CHIC2: variants seen among roughly 807,000 people sequenced by gnomAD.
CHIC2 encodes cysteine-rich hydrophobic domain-containing protein 2.
CHIC2 carries 14 observed loss-of-function variants against 25.9 expected under a neutral mutation model. That is an observed-to-expected ratio of 0.54 (90% CI 0.36 to 0.85). CHIC2 has a LOEUF of 0.85. CHIC2 is among the 40% of genes least tolerant of loss of function. The pLI is 0.01. For synonymous variants in CHIC2, 70 were observed against 72.0 expected, an observed-to-expected ratio of 0.97 and a Z score of 0.14; for missense variants, 146 against 202.0, an observed-to-expected ratio of 0.72 and a Z score of 1.68.
chr4:54,043,612 C>T (rs1334419847), intron 3 of CHIC2, among the ~76,000 whole-genome samples: 1 of 152,038 alleles, frequency 6.6e-6, no homozygotes, highest in Admixed American at 6.6e-5. Context: ...CTGAGAGATT[C>T]TGTCAGCACC....
At chr4:54,012,777 C>G (rs1175959579) in intron 5 of CHIC2, among the ~76,000 whole-genome samples, 6 of 152,020 alleles carry the variant, frequency 3.9e-5, no homozygotes. Context: ...AAGATAAAAT[C>G]TACATTATTT....
At chr4:54,087,445 G>A in the CHIC2 span, 2 of 640,108 alleles carry the variant, frequency 3.1e-6, no homozygotes, top group South Asian at 3.5e-5. Flanking sequence ...TCGATAATAA[G>A]GCATAGGCAG....
chr4:54,029,848 G>A (rs1716168790), intron 3 of CHIC2, among the ~76,000 whole-genome samples: 1 of 152,172 alleles, frequency 6.6e-6, no homozygotes, highest in African/African-American at 2.4e-5. Context: ...TTCTGCTTAT[G>A]ATTCCCCCAG....
chr4:54,021,187 CA>C (rs1187435048), intron 3 of CHIC2, among the ~76,000 whole-genome samples: 1 of 152,202 alleles, frequency 6.6e-6, no homozygotes, highest in African/African-American at 2.4e-5. Context: ...GACCCCAATA[CA>C]AACTCGATAA....
chr4:54,040,221 G>C (rs1003256271), intron 3 of CHIC2, among the ~76,000 whole-genome samples: 42 of 152,160 alleles, frequency 2.8e-4, no homozygotes, highest in African/African-American at 9.9e-4. Context: ...TTCAAAAATA[G>C]GCAAAGGTAG....
chr4:54,010,270 T>C, intron 5 of CHIC2, 125 bp from the exon 6 acceptor site: 1 of 629,956 alleles, frequency 1.6e-6, no homozygotes, highest in Non-Finnish European at 2.8e-6. Flanking sequence ...TTTGCATTAC[T>C]AAAACAGATC....
chr4:54,070,612 G>A, the CHIC2 span, among the ~76,000 whole-genome samples: 2 of 151,888 alleles, frequency 1.3e-5, no homozygotes, highest in Admixed American at 1.3e-4. Flanking sequence ...TAGTAGAGAC[G>A]GGGTTTCACC....
chr4:54,013,807 A>G, intron 5 of CHIC2, 30 bp downstream of exon 5: 1 of 1,601,298 alleles, frequency 6.2e-7, no homozygotes, highest in Non-Finnish European at 8.5e-7. Context: ...CATTTAATAG[A>G]GAAACTCACA....
At chr4:54,019,243 A>C (rs1715827282) in intron 3 of CHIC2, among the ~76,000 whole-genome samples, 1 of 137,114 alleles carries the variant, frequency 7.3e-6, no homozygotes, top group African/African-American at 2.5e-5. Context: ...TCACCAAAAA[A>C]CAAAAAAAAA....
chr4:54,069,194 A>T (rs1305444252), upstream of CHIC2, among the ~76,000 whole-genome samples: 1 of 152,046 alleles, frequency 6.6e-6, no homozygotes, highest in East Asian at 1.9e-4. Context: ...CATCCAGCTA[A>T]TTTTTATATT....
chr4:54,054,733 A>G (rs1229125159), intron 1 of CHIC2, among the ~76,000 whole-genome samples: 1 of 152,248 alleles, frequency 6.6e-6, no homozygotes, highest in Non-Finnish European at 1.5e-5. Flanking sequence ...AAGGCCAAAC[A>G]GTCCTGCCTA....
chr4:54,042,911 A>C (rs1716623844), intron 3 of CHIC2, among the ~76,000 whole-genome samples: 1 of 152,230 alleles, frequency 6.6e-6, no homozygotes, highest in South Asian at 2.1e-4. Context: ...TTTATTTTAT[A>C]ACAGAAATCA....
chr4:54,024,957 C>T (rs1357632899), intron 3 of CHIC2, among the ~76,000 whole-genome samples: 1 of 152,148 alleles, frequency 6.6e-6, no homozygotes, highest in Non-Finnish European at 1.5e-5. Context: ...TTAACCTCTC[C>T]CACTCTAGGT....
At chr4:54,083,398 C>A in the CHIC2 span, among the ~76,000 whole-genome samples, 2 of 152,194 alleles carry the variant, frequency 1.3e-5, no homozygotes, top group African/African-American at 4.8e-5. Flanking sequence ...ATTCTTATAG[C>A]ACTTAAAACT....
At chr4:54,014,414 C>T (rs1715683331) in intron 3 of CHIC2, among the ~76,000 whole-genome samples, 1 of 152,116 alleles carries the variant, frequency 6.6e-6, no homozygotes, top group African/African-American at 2.4e-5. Context: ...TAAATTCCCA[C>T]TTCTTTCAAA....
chr4:54,032,431 G>C (rs1716259435), intron 3 of CHIC2, among the ~76,000 whole-genome samples: 2 of 152,006 alleles, frequency 1.3e-5, no homozygotes, highest in African/African-American at 2.4e-5. Flanking sequence ...ACGCCTGACT[G>C]GTTTTCGTAT....
At chr4:54,044,943 G>A (rs914362780) in intron 3 of CHIC2, among the ~76,000 whole-genome samples, 3 of 152,026 alleles carry the variant, frequency 2.0e-5, no homozygotes, top group Non-Finnish European at 4.4e-5. Context: ...TCAAATAGAT[G>A]CAATAAAAAA....
At chr4:54,019,218 G>A (rs1715826565) in intron 3 of CHIC2, among the ~76,000 whole-genome samples, 1 of 150,120 alleles carries the variant, frequency 6.7e-6, no homozygotes, top group Admixed American at 6.7e-5. Flanking sequence ...ATTATGCTAC[G>A]TGAAAAGCCT....
At chr4:54,027,368 T>C (rs1028295210) in intron 3 of CHIC2, among the ~76,000 whole-genome samples, 1 of 152,220 alleles carries the variant, frequency 6.6e-6, no homozygotes, top group Non-Finnish European at 1.5e-5. Flanking sequence ...TTTTTATGAG[T>C]ATCCTCTTTT....
Sources: allele counts gnomAD v4.1 joint callset (sites outside exome capture counted in the v4.1 genomes callset), GRCh38; gene constraint gnomAD v4.1.1; transcripts MANE v1.5; gene names NCBI Gene and HGNC (gene_info 2026-07-23, HGNC 2026-07-21).